Variants in LRRC28 observed in about 807,000 individuals in gnomAD.
The protein encoded by LRRC28 is leucine rich repeat containing 28, also known as leucine-rich repeat-containing protein 28.
Under a neutral mutation model 45.7 loss-of-function variants are expected in LRRC28, and 39 were observed. The ratio of observed to expected loss-of-function variants is 0.85; its 90% confidence interval spans 0.66 to 1.12. The LOEUF is 1.12. Among genes scored for constraint, LRRC28 ranks in the 50% most tolerant of loss-of-function variants. The pLI is 0.00. For synonymous variants in LRRC28, 206 were observed against 178.8 expected (o/e 1.15, Z -1.22); for missense variants, 435 against 438.5 (o/e 0.99, Z 0.07).
chr15:99,342,816 G>T (rs1486567153), intron 6 of LRRC28, among the ~76,000 whole-genome samples: 2 of 152,172 alleles, frequency 1.3e-5, no homozygotes, highest in Non-Finnish European at 2.9e-5. Context: ...CATGTGTAAA[G>T]TTATCTTATT....
chr15:99,369,627 G>A (rs1957427798), intron 9 of LRRC28, among the ~76,000 whole-genome samples: 1 of 152,148 alleles, frequency 6.6e-6, no homozygotes, highest in African/African-American at 2.4e-5. Flanking sequence ...CCCACACTAT[G>A]GAGGGTAATC....
chr15:99,258,118 A>G (rs542342160), intron 2 of LRRC28: 1 of 1,600,156 alleles, frequency 6.2e-7, no homozygotes, highest in African/African-American at 1.3e-5. Context: ...TTGGTACCAT[A>G]GCCAAATCTT....
intron 2 of LRRC28, among the ~76,000 whole-genome samples, chr15:99,267,808 T>G (rs2081370752): frequency 6.6e-6 from 1 of 152,210 alleles, no homozygotes; most frequent in South Asian, 2.1e-4. Flanking sequence ...TTGTTACTGA[T>G]TCCTTGTCAG....
chr15:99,304,329 TCA>T (rs1955099503), intron 5 of LRRC28, among the ~76,000 whole-genome samples: 1 of 152,228 alleles, frequency 6.6e-6, no homozygotes. Flanking sequence ...ATATTTTTTC[TCA>T]GTCTGCGGTT....
chr15:99,256,211 C>T, intron 2 of LRRC28, 86 bp downstream of exon 2: 1 of 1,045,884 alleles, frequency 9.6e-7, no homozygotes, highest in Admixed American at 3.0e-5. Context: ...GGTATTCAGA[C>T]CAAGACTTAT....
At chr15:99,287,377 A>G in intron 4 of LRRC28, 83 bp downstream of exon 4, 5 of 1,073,534 alleles carry the variant, frequency 4.7e-6, no homozygotes, top group Non-Finnish European at 6.5e-6. Context: ...TATTTTTAAG[A>G]CACCTTTAAT....
At chr15:99,336,367 T>G (rs1400681803) in intron 6 of LRRC28, among the ~76,000 whole-genome samples, 2 of 152,240 alleles carry the variant, frequency 1.3e-5, no homozygotes, top group Non-Finnish European at 2.9e-5. Context: ...CAGACTTGTC[T>G]GATTCTAAAC....
At chr15:99,259,912 G>A in intron 2 of LRRC28, 1 of 704,800 alleles carries the variant, frequency 1.4e-6, no homozygotes, top group Non-Finnish European at 2.6e-6. Flanking sequence ...AACCTGAGGA[G>A]ACAGCAGAAG....
chr15:99,377,725 T>C (rs2152339158), intron 9 of LRRC28, among the ~76,000 whole-genome samples: 2 of 152,240 alleles, frequency 1.3e-5, no homozygotes, highest in South Asian at 4.1e-4. Flanking sequence ...TTGTATAAGG[T>C]GTAAGGAAGG....
Position 99,386,122 on chromosome 15 carries a change from G to A in LRRC28, c.*20G>A, listed in dbSNP as rs753306758. On this transcript the variant is annotated 3_prime_UTR_variant, in exon 10 of 10. Coordinates refer to ENST00000301981, the MANE Select transcript of LRRC28 (RefSeq NM_144598.5). Reference sequence around the variant, plus strand: ...AGTTGATAAACACTCAAGAACCTCAGGAGCGCTGCCAGCTTGACACTGGGG... The same window carrying A: ...AGTTGATAAACACTCAAGAACCTCAAGAGCGCTGCCAGCTTGACACTGGGG... 2 of 1,606,314 alleles carry A rather than the reference G, an allele frequency of 1.2e-6. No individual in the cohort carries two copies. Among genetic ancestry groups the A allele is most frequent in the Non-Finnish European group, 8.5e-7 (1 of 1,172,936 alleles).
chr15:99,308,267 GGTCTTCTGATT>G (rs1955261439), intron 5 of LRRC28, among the ~76,000 whole-genome samples: 1 of 152,106 alleles, frequency 6.6e-6, no homozygotes, highest in Non-Finnish European at 1.5e-5. Flanking sequence ...GACAATGCTA[GGTCTTCTGATT>G]CTCAGTAGTG....
chr15:99,324,576 T>G (rs1212899585), intron 5 of LRRC28, among the ~76,000 whole-genome samples: 1 of 152,202 alleles, frequency 6.6e-6, no homozygotes. Context: ...AGCACAGAAC[T>G]ATGATTTAAA....
chr15:99,291,141 C>T (rs964905586), intron 5 of LRRC28, among the ~76,000 whole-genome samples: 2 of 152,128 alleles, frequency 1.3e-5, no homozygotes, highest in Non-Finnish European at 2.9e-5. Flanking sequence ...TCTTAATAAC[C>T]AGTGAAGGGT....
At chr15:99,338,784 A>T (rs185047266) in intron 6 of LRRC28, among the ~76,000 whole-genome samples, 7 of 152,352 alleles carry the variant, frequency 4.6e-5, no homozygotes, top group African/African-American at 1.7e-4. Context: ...CACTTATAAT[A>T]CTGTCTAACC....
At chr15:99,362,725 G>A (rs553547022) in intron 8 of LRRC28, among the ~76,000 whole-genome samples, 1 of 152,270 alleles carries the variant, frequency 6.6e-6, no homozygotes, top group South Asian at 2.1e-4. Context: ...AGAACTTAAT[G>A]AAACTCAGTT....
At chr15:99,282,900 T>A (rs28547073) in intron 3 of LRRC28, among the ~76,000 whole-genome samples, 134 of 150,362 alleles carry the variant, frequency 8.9e-4, no homozygotes, top group African/African-American at 1.9e-3. Context: ...TAATTAAAAA[T>A]TTTTTTTTTT....
At chr15:99,373,356 C>A (rs1488969169) in intron 9 of LRRC28, among the ~76,000 whole-genome samples, 1 of 151,950 alleles carries the variant, frequency 6.6e-6, no homozygotes, top group Non-Finnish European at 1.5e-5. Context: ...TAACCAACTT[C>A]ATTTTTTAAA....
At chr15:99,327,125 A>G (rs538871735) in intron 5 of LRRC28, among the ~76,000 whole-genome samples, 11 of 152,158 alleles carry the variant, frequency 7.2e-5, no homozygotes, top group Non-Finnish European at 1.5e-4. Flanking sequence ...CCTAGGCTGG[A>G]GTGCAGTGGC....
At chr15:99,352,336 A>G (rs375122144) in intron 6 of LRRC28, 33 bp from the exon 7 acceptor site, 37 of 1,402,578 alleles carry the variant, frequency 2.6e-5, no homozygotes, top group African/African-American at 2.1e-4. Flanking sequence ...GTGCCTGTAT[A>G]TAGGAATTAC....
Sources: gnomAD v4.1 joint callset for allele counts (sites outside exome capture counted in the v4.1 genomes callset) on GRCh38, gnomAD v4.1.1 for gene constraint, MANE v1.5 for transcripts, NCBI Gene and HGNC (gene_info 2026-07-23, HGNC 2026-07-21) for gene names.